DNM3: variants seen among roughly 807,000 people sequenced by gnomAD.
DNM3 encodes dynamin 3, also known as dynamin-3.
DNM3 carries 47 observed loss-of-function variants against 101.6 expected under a neutral mutation model. That is an observed-to-expected ratio of 0.46 (90% confidence interval 0.37 to 0.59). DNM3 has a LOEUF of 0.59. Among genes scored for constraint, DNM3 ranks in the 20% least tolerant of loss-of-function variants. DNM3 has a pLI of 0.00. For synonymous variants in DNM3, 385 were observed against 387.9 expected (o/e 0.99, Z 0.09); for missense variants, 849 against 1,085.7 (o/e 0.78, Z 3.06).
intron 17 of DNM3, among the ~76,000 whole-genome samples, chr1:172,374,865 C>T (rs2068521299): frequency 6.6e-6 from 1 of 152,042 alleles, no homozygotes; most frequent in Non-Finnish European, 1.5e-5. Context: ...ATACCTTTGT[C>T]CATCTTTCAA....
At chr1:171,907,799 C>A (rs886480278) in intron 1 of DNM3, among the ~76,000 whole-genome samples, 1 of 152,070 alleles carries the variant, frequency 6.6e-6, no homozygotes, top group African/African-American at 2.4e-5. Flanking sequence ...ACTTAAGATG[C>A]AAAAATTTGT....
At chr1:172,091,083 CTGT>C (rs2147808736) in intron 12 of DNM3, among the ~76,000 whole-genome samples, 1 of 152,292 alleles carries the variant, frequency 6.6e-6, no homozygotes, top group Admixed American at 6.5e-5. Context: ...CGTGTGGGCT[CTGT>C]TGTTAAGTTG....
At chr1:172,288,948 T>G (rs2063800204) in intron 15 of DNM3, among the ~76,000 whole-genome samples, 1 of 152,186 alleles carries the variant, frequency 6.6e-6, no homozygotes, top group Non-Finnish European at 1.5e-5. Context: ...CTGGTAGTAA[T>G]GCCTGGGTCT....
Position 172,283,780 on chromosome 1 carries a change from A to AAAAAAAAAAAAAAAAAAAAAAAAAGAAAG in DNM3, c.1770-24945_1770-24944insAAAAAAAAAAAAAAAAAAAAAGAAAGAAA, listed in dbSNP as rs1553221113. ...ATCTCAAAAAAAAAAAAAAAAAAAAAAAAGAAAGAAAGAAAGAAAACCAAG... is the reference window on the plus strand; with the variant it reads ...ATCTCAAAAAAAAAAAAAAAAAAAAAAAAAAAAAAAAAAAAAAAAAAAAAGAAAGAAAGAAAGAAAGAAAGAAAACCAAG... On this transcript the variant is annotated intron_variant, in intron 15 of 20. Coordinates refer to ENST00000627582, the MANE Select transcript of DNM3 (RefSeq NM_015569.5). Among the ~76,000 whole-genome samples the AAAAAAAAAAAAAAAAAAAAAAAAAGAAAG allele has an allele frequency of 1.8e-4, 22 of 119,084 alleles. 1 individual carries two copies. The highest frequency in any genetic ancestry group is 3.4e-4 in the Non-Finnish European group (20 of 58,506). 78.1% of individuals were successfully genotyped at this position (119,084 alleles called of 152,430 possible).
At chr1:172,080,105 G>A (rs1220352933) in intron 11 of DNM3, among the ~76,000 whole-genome samples, 1 of 152,092 alleles carries the variant, frequency 6.6e-6, no homozygotes, top group Non-Finnish European at 1.5e-5. Flanking sequence ...GGAAGTCAGG[G>A]ACCCACTTGA....
At chr1:172,222,223 A>G (rs1242124805) in intron 14 of DNM3, among the ~76,000 whole-genome samples, 1 of 152,218 alleles carries the variant, frequency 6.6e-6, no homozygotes, top group Non-Finnish European at 1.5e-5. Context: ...TTTAGCTAGA[A>G]TCACTACCTA....
intron 15 of DNM3, among the ~76,000 whole-genome samples, chr1:172,256,793 A>G (rs1312991769): frequency 6.6e-6 from 1 of 151,764 alleles, no homozygotes. Context: ...TTTCTTATAT[A>G]TCTGCATATA....
chr1:172,144,228 T>G (rs921794097), intron 14 of DNM3: 1 of 152,152 alleles, frequency 6.6e-6, no homozygotes, highest in African/African-American at 2.4e-5. Flanking sequence ...ACCACACACT[T>G]TTGCTCTTTT....
intron 4 of DNM3, among the ~76,000 whole-genome samples, chr1:172,017,873 T>G (rs1165409881): frequency 6.6e-6 from 1 of 152,086 alleles, no homozygotes; most frequent in Non-Finnish European, 1.5e-5. Context: ...GGTATTTTTA[T>G]GCTCTGCTGT....
chr1:172,343,049 G>A (rs529442682), intron 17 of DNM3, among the ~76,000 whole-genome samples: 8 of 152,292 alleles, frequency 5.3e-5, no homozygotes, highest in African/African-American at 1.9e-4. Context: ...AAGGAGCTAA[G>A]CCAGTAATTT....
At chr1:172,215,967 A>G (rs1281828943) in intron 14 of DNM3, among the ~76,000 whole-genome samples, 1 of 150,858 alleles carries the variant, frequency 6.6e-6, no homozygotes, top group Non-Finnish European at 1.5e-5. Flanking sequence ...CTTTAAAAAA[A>G]AAAGAAAGAA....
chr1:172,213,509 C>A (rs2060582271), intron 14 of DNM3, among the ~76,000 whole-genome samples: 1 of 100,884 alleles, frequency 9.9e-6, no homozygotes, highest in African/African-American at 6.1e-5. Context: ...ATTAAGAATC[C>A]ATTGTTACAA....
chr1:172,147,557 A>G (rs2057960562), intron 14 of DNM3, among the ~76,000 whole-genome samples: 1 of 152,124 alleles, frequency 6.6e-6, no homozygotes, highest in South Asian at 2.1e-4. Flanking sequence ...ATTGTTCCCA[A>G]TCTTGGCACA....
intron 16 of DNM3, among the ~76,000 whole-genome samples, chr1:172,313,441 C>A (rs2065164552): frequency 6.6e-6 from 1 of 152,170 alleles, no homozygotes; most frequent in Non-Finnish European, 1.5e-5. Context: ...TAACAAACAA[C>A]TGACTTTTCT....
At chr1:172,066,421 T>C (rs2051669071) in intron 10 of DNM3, among the ~76,000 whole-genome samples, 1 of 152,206 alleles carries the variant, frequency 6.6e-6, no homozygotes, top group African/African-American at 2.4e-5. Flanking sequence ...TCAATCATAT[T>C]GTAAGGGTGC....
At chr1:171,975,761 A>G (rs886117959) in intron 2 of DNM3, among the ~76,000 whole-genome samples, 4 of 152,234 alleles carry the variant, frequency 2.6e-5, no homozygotes, top group African/African-American at 9.6e-5. Flanking sequence ...AGAACCCAGA[A>G]TAGCCAAAAC....
At chr1:171,931,980 TTCCC>T (rs768328359) in intron 2 of DNM3, among the ~76,000 whole-genome samples, 2 of 141,640 alleles carry the variant, frequency 1.4e-5, no homozygotes, top group East Asian at 2.3e-4. Flanking sequence ...TATCTTTTCC[TTCCC>T]TCCCTCCCTC....
intron 12 of DNM3, among the ~76,000 whole-genome samples, chr1:172,090,688 C>T (rs1485683095): frequency 6.6e-6 from 1 of 152,148 alleles, no homozygotes. Flanking sequence ...CCCCTGCCCA[C>T]CTTCAGTTGA....
intron 18 of DNM3, among the ~76,000 whole-genome samples, chr1:172,386,321 G>C (rs2069177722): frequency 6.6e-6 from 1 of 151,968 alleles, no homozygotes; most frequent in Non-Finnish European, 1.5e-5. Flanking sequence ...TGGTGTCTTA[G>C]AGTTGATGAG....
Sources: allele counts gnomAD v4.1 joint callset (sites outside exome capture counted in the v4.1 genomes callset), GRCh38; gene constraint gnomAD v4.1.1; transcripts MANE v1.5; gene names NCBI Gene and HGNC (gene_info 2026-07-23, HGNC 2026-07-21).